The following CADM1 variants were observed in gnomAD, a reference collection of about 807,000 sequenced individuals.
CADM1 encodes TSLC-1.
Under a neutral mutation model 53.1 loss-of-function variants are expected in CADM1, and 15 were observed. That is an observed-to-expected ratio of 0.28 (90% CI 0.19 to 0.44). The LOEUF (loss-of-function observed/expected upper bound fraction) is 0.44, where lower values mean the gene tolerates loss of function less well. CADM1 is among the 20% of genes least tolerant of loss of function. CADM1 has a pLI of 1.00. For missense variants in CADM1, 434 were observed against 611.3 expected, an observed-to-expected ratio of 0.71 and a Z score of 3.06; for synonymous variants, 281 against 243.0, an observed-to-expected ratio of 1.16 and a Z score of -1.45.
At chr11:115,290,856 T>A (rs992856891) in intron 1 of CADM1, among the ~76,000 whole-genome samples, 9 of 152,210 alleles carry the variant, frequency 5.9e-5, no homozygotes, top group Admixed American at 3.9e-4. Context: ...AAAAACTCTA[T>A]ATTTAAATAT....
chr11:115,269,752 T>A (rs1943246419), intron 1 of CADM1, among the ~76,000 whole-genome samples: 1 of 152,220 alleles, frequency 6.6e-6, no homozygotes, highest in African/African-American at 2.4e-5. Flanking sequence ...ACTTAAAGCA[T>A]CTGTCACTAG....
chr11:115,386,670 A>C (rs944027795), intron 1 of CADM1, among the ~76,000 whole-genome samples: 3 of 150,762 alleles, frequency 2.0e-5, no homozygotes, highest in African/African-American at 7.3e-5. Flanking sequence ...ATAACTCATT[A>C]ATCCACTAAT....
rs552755954 is a variant in CADM1 at position 115,467,407 on chromosome 11, G to C, written c.124+36864C>G. On this transcript the variant is annotated intron_variant, in intron 1 of 11. Transcript: ENST00000331581. ...GTGCAAGGCTGCTCTTTCCTCAGAA[G>C]AGCTATGATCCCAAAATGATGGATT... Among the ~76,000 whole-genome samples the C allele has an allele frequency of 9.8e-5, 15 of 152,292 alleles. No individual in the cohort carries two copies. In the South Asian group the frequency reaches 3.1e-3, roughly 32 times the overall value.
At chr11:115,268,074 T>C (rs1240738771) in intron 1 of CADM1, among the ~76,000 whole-genome samples, 1 of 152,234 alleles carries the variant, frequency 6.6e-6, no homozygotes, top group Admixed American at 6.5e-5. Flanking sequence ...AGTAAGTCTT[T>C]ACGAAGAATT....
At chr11:115,322,086 T>C (rs1199689859) in intron 1 of CADM1, among the ~76,000 whole-genome samples, 2 of 152,180 alleles carry the variant, frequency 1.3e-5, no homozygotes, top group African/African-American at 4.8e-5. Context: ...ATCAGATCAA[T>C]GACAGGACAG....
chr11:115,240,431 G>A lies in CADM1; in HGVS notation c.125-11C>T, dbSNP rs1224772268. 6.2e-7 allele frequency: 1 copy of A among 1,613,168 alleles called. No homozygotes were observed. Among genetic ancestry groups the A allele is most frequent in the Admixed American group, 1.7e-5 (1 of 59,904 alleles). On this transcript the variant is annotated splice_polypyrimidine_tract_variant and intron_variant, in intron 1 of 11. Coordinates refer to ENST00000331581, the MANE Select transcript of CADM1 (RefSeq NM_001301043.2). ...GATTCTGCCCATCACCTTAAAAAAA[G>A]GGAAGAAAAGGTCAGAGGAAAATTT... is the stretch of plus-strand genomic sequence containing the variant.
chr11:115,174,002 G>GA lies in CADM1; in HGVS notation c.*2471dup, dbSNP rs1409462928. ...TTCAAACAGTGCACTGTATACTTAA[G>GA]AAAAAATACATAAACCAATATACAA... On this transcript the variant is annotated 3_prime_UTR_variant, in exon 12 of 12. Coordinates refer to ENST00000331581, the MANE Select transcript of CADM1 (RefSeq NM_001301043.2). The GA allele has an allele frequency of 2.9e-5, 28 of 962,160 alleles. No individual in the cohort carries two copies. Among genetic ancestry groups the GA allele is most frequent in the Non-Finnish European group, 3.3e-5 (27 of 808,948 alleles). 59.6% of individuals were successfully genotyped at this position (962,160 alleles called of 1,614,324 possible). A position where few individuals can be genotyped will look rare whatever the true frequency, so the allele number is the denominator to read the frequency against.
intron 1 of CADM1, among the ~76,000 whole-genome samples, chr11:115,364,423 C>T (rs1185541617): frequency 6.6e-6 from 1 of 152,100 alleles, no homozygotes; most frequent in Non-Finnish European, 1.5e-5. Flanking sequence ...AAATCAATTC[C>T]TTCCATGTAT....
intron 1 of CADM1, among the ~76,000 whole-genome samples, chr11:115,395,556 C>G (rs951621354): frequency 1.3e-5 from 2 of 152,124 alleles, no homozygotes; most frequent in East Asian, 1.9e-4. Context: ...GGTGAGAGAG[C>G]AGAAGACAGA....
chr11:115,377,656 C>T (rs1469935944), intron 1 of CADM1: 1 of 152,168 alleles, frequency 6.6e-6, no homozygotes, highest in African/African-American at 2.4e-5. Flanking sequence ...CTAGGCCTAT[C>T]TTTAAGTTCC....
At chr11:115,236,302 T>C (rs949727131) in intron 3 of CADM1, among the ~76,000 whole-genome samples, 1 of 152,156 alleles carries the variant, frequency 6.6e-6, no homozygotes, top group African/African-American at 2.4e-5. Flanking sequence ...TATACGAGTA[T>C]CAGTGGAAAT....
intron 1 of CADM1, among the ~76,000 whole-genome samples, chr11:115,348,722 TAA>T (rs2135050402): frequency 6.6e-6 from 1 of 152,310 alleles, no homozygotes; most frequent in South Asian, 2.1e-4. Context: ...TAATTTTCTT[TAA>T]GAGTGGATAA....
chr11:115,236,797 C>T (rs1460258964), intron 3 of CADM1, among the ~76,000 whole-genome samples: 2 of 152,062 alleles, frequency 1.3e-5, no homozygotes, highest in Middle Eastern at 3.4e-3. Flanking sequence ...ACAACCTAGA[C>T]TGGAAGACAC....
At chr11:115,216,854 G>T (rs1466582672) in intron 6 of CADM1, among the ~76,000 whole-genome samples, 2 of 152,142 alleles carry the variant, frequency 1.3e-5, no homozygotes, top group Admixed American at 1.3e-4. Context: ...TTAAAGTAGG[G>T]AGGCTTCTTT....
intron 1 of CADM1, among the ~76,000 whole-genome samples, chr11:115,450,783 G>A (rs192500427): frequency 2.0e-5 from 3 of 152,262 alleles, no homozygotes; most frequent in Admixed American, 2.0e-4. Flanking sequence ...TTCTAGTTCA[G>A]AAACATTTCT....
At chr11:115,459,535 A>T (rs1329604392) in intron 1 of CADM1, among the ~76,000 whole-genome samples, 1 of 152,190 alleles carries the variant, frequency 6.6e-6, no homozygotes, top group Non-Finnish European at 1.5e-5. Context: ...GAAAGAAAAG[A>T]AAGAGAGAAG....
intron 1 of CADM1, among the ~76,000 whole-genome samples, chr11:115,342,936 G>C (rs1945485795): frequency 6.6e-6 from 1 of 152,088 alleles, no homozygotes; most frequent in African/African-American, 2.4e-5. Context: ...AGAAAGTCAA[G>C]AGGAAGATAG....
intron 1 of CADM1, chr11:115,256,773 A>T (rs889194213): frequency 1.1e-5 from 5 of 455,794 alleles, no homozygotes; most frequent in African/African-American, 1.0e-4. Context: ...CAATAGGTTC[A>T]CACTTACTCC....
At chr11:115,358,245 A>T (rs1336762376) in intron 1 of CADM1, among the ~76,000 whole-genome samples, 1 of 152,174 alleles carries the variant, frequency 6.6e-6, no homozygotes, top group African/African-American at 2.4e-5. Flanking sequence ...CTTTAAAATA[A>T]TTGTATAGAA....
Sources: allele counts gnomAD v4.1 joint callset (sites outside exome capture counted in the v4.1 genomes callset), GRCh38; gene constraint gnomAD v4.1.1; transcripts MANE v1.5; gene names NCBI Gene and HGNC (gene_info 2026-07-23, HGNC 2026-07-21).